CTNNA3: variants seen among roughly 807,000 people sequenced by gnomAD.
CTNNA3 encodes the protein catenin alpha-3.
A neutral mutation model predicts 95.7 loss-of-function variants in CTNNA3; 76 were observed. That is an observed-to-expected ratio of 0.79 (90% confidence interval 0.66 to 0.96). The LOEUF (loss-of-function observed/expected upper bound fraction) is 0.96, where lower values mean the gene tolerates loss of function less well. Ranked by LOEUF, CTNNA3 falls within the 40% of genes least tolerant of loss-of-function variation. The pLI is 0.00. For missense variants in CTNNA3, 1,191 were observed against 1,089.8 expected (o/e 1.09, Z -1.31); for synonymous variants, 431 against 374.4 (o/e 1.15, Z -1.74).
intron 7 of CTNNA3, among the ~76,000 whole-genome samples, chr10:67,014,073 A>T (rs1388188954): frequency 6.6e-6 from 1 of 152,192 alleles, no homozygotes; most frequent in African/African-American, 2.4e-5. Context: ...TTTTCCCCTT[A>T]AAGCAAAGAA....
At chr10:66,957,501 C>T (rs1272978537) in intron 7 of CTNNA3, among the ~76,000 whole-genome samples, 1 of 147,742 alleles carries the variant, frequency 6.8e-6, no homozygotes, top group Non-Finnish European at 1.5e-5. Context: ...ACAAAGTTTT[C>T]TTGTACTCTT....
chr10:66,138,887 A>G (rs906388305), intron 13 of CTNNA3, among the ~76,000 whole-genome samples: 18 of 152,320 alleles, frequency 1.2e-4, no homozygotes, highest in South Asian at 4.1e-4. Context: ...AAAATAAAAG[A>G]TGGATTGACA....
At chr10:66,854,163 T>G (rs1385639098) in intron 7 of CTNNA3, among the ~76,000 whole-genome samples, 1 of 152,032 alleles carries the variant, frequency 6.6e-6, no homozygotes, top group Non-Finnish European at 1.5e-5. Context: ...TTTAAAAAGT[T>G]GACACATTTA....
rs139422340 is a variant in CTNNA3 at position 66,768,305 on chromosome 10, C to G, written c.1129-1889G>C. 7.0e-3 allele frequency among the ~76,000 whole-genome samples: 1,070 copies of G among 152,124 alleles called. 7 individuals are homozygous for G. The highest frequency in any genetic ancestry group is 0.024 in the African/African-American group (1,016 of 41,476). ...GATGAAATCTACACTAGAGATATGC[C>G]ATGAAGGGCCAGCATATGGGAACTA... is the stretch of plus-strand genomic sequence containing the variant. On this transcript the variant is annotated intron_variant, in intron 8 of 17. Transcript: ENST00000433211.
At chr10:66,663,375 G>C (rs10740246) in intron 9 of CTNNA3, among the ~76,000 whole-genome samples, 99,290 of 151,096 alleles carry the variant, frequency 0.66, 33,377 homozygotes, top group East Asian at 0.95. Flanking sequence ...TGGGACCATC[G>C]TCCTCCAAAT....
intron 5 of CTNNA3, among the ~76,000 whole-genome samples, chr10:67,240,613 A>G (rs79151913): frequency 0.01 from 1,552 of 152,284 alleles, 16 homozygotes; most frequent in African/African-American, 0.024. Flanking sequence ...AGATTCAATA[A>G]AAGAGAAAAT....
intron 7 of CTNNA3, among the ~76,000 whole-genome samples, chr10:67,171,777 A>G (rs1305661950): frequency 6.6e-6 from 1 of 152,100 alleles, no homozygotes; most frequent in African/African-American, 2.4e-5. Context: ...AAAACAAAAT[A>G]AAAAGATAAA....
At chr10:66,774,234 A>G (rs1419623275) in intron 8 of CTNNA3, among the ~76,000 whole-genome samples, 1 of 152,168 alleles carries the variant, frequency 6.6e-6, no homozygotes, top group African/African-American at 2.4e-5. Context: ...TCCTAGGTGA[A>G]GCAGATGGGG....
chr10:66,810,855 C>T (rs1841847679), intron 7 of CTNNA3, among the ~76,000 whole-genome samples: 1 of 152,070 alleles, frequency 6.6e-6, no homozygotes, highest in South Asian at 2.1e-4. Flanking sequence ...GTCCTTCTTT[C>T]CAAGAAATCT....
chr10:67,364,292 C>T (rs113186954), intron 5 of CTNNA3, among the ~76,000 whole-genome samples: 6,226 of 152,212 alleles, frequency 0.041, 184 homozygotes, highest in South Asian at 0.1. Flanking sequence ...ATGTCAAAAA[C>T]TCTCAATAAA....
intron 5 of CTNNA3, among the ~76,000 whole-genome samples, chr10:67,519,914 C>A (rs991750854): frequency 1.3e-5 from 2 of 152,112 alleles, no homozygotes; most frequent in Non-Finnish European, 2.9e-5. Flanking sequence ...AAAGATAAAT[C>A]CCATCAAGCT....
intron 7 of CTNNA3, among the ~76,000 whole-genome samples, chr10:67,129,943 G>A (rs1859910245): frequency 1.3e-5 from 2 of 151,944 alleles, no homozygotes; most frequent in African/African-American, 4.8e-5. Context: ...ATCTTGACTA[G>A]AAGAGAGTTA....
At position 66,775,433 on chromosome 10, in the gene CTNNA3, T is replaced by A; in HGVS notation, c.1128+11A>T. 6.3e-7 allele frequency: 1 copy of A among 1,590,176 alleles called. No homozygotes were observed. The highest frequency in any genetic ancestry group is 8.6e-7 in the Non-Finnish European group (1 of 1,161,834). The stretch of plus-strand genomic sequence containing the variant: ...CTATGTTTCTGACTCCATATCTCTC[T>A]CTTCCCTCACCTGTCTGCGAAGGTC... On this transcript the variant is annotated intron_variant, in intron 8 of 17. Coordinates refer to ENST00000433211, the MANE Select transcript of CTNNA3 (RefSeq NM_013266.4).
chr10:67,127,612 A>T (rs746099230), intron 7 of CTNNA3, among the ~76,000 whole-genome samples: 5 of 152,138 alleles, frequency 3.3e-5, no homozygotes, highest in Non-Finnish European at 5.9e-5. Flanking sequence ...ACTCCCCAAC[A>T]TCTGAGTCAT....
intron 7 of CTNNA3, among the ~76,000 whole-genome samples, chr10:67,049,367 T>C (rs897678338): frequency 2.6e-5 from 4 of 152,142 alleles, no homozygotes; most frequent in Non-Finnish European, 5.9e-5. Flanking sequence ...CATTATCCAA[T>C]AAGCAGTTAT....
chr10:67,726,671 A>G (rs1255371847), intron 1 of CTNNA3, among the ~76,000 whole-genome samples: 4 of 78,038 alleles, frequency 5.1e-5, no homozygotes, highest in South Asian at 4.2e-4. Context: ...ATATTATATT[A>G]ATTATATAAT....
intron 10 of CTNNA3, among the ~76,000 whole-genome samples, chr10:66,574,314 G>A (rs1216093885): frequency 6.6e-6 from 1 of 151,996 alleles, no homozygotes; most frequent in African/African-American, 2.4e-5. Context: ...TTACTACCAT[G>A]TTTTGTTCAA....
intron 5 of CTNNA3, among the ~76,000 whole-genome samples, chr10:67,357,599 A>G (rs150320908): frequency 0.014 from 2,072 of 152,218 alleles, 51 homozygotes; most frequent in African/African-American, 0.047. Flanking sequence ...AAATATGTCA[A>G]TTCTTCTTAA....
chr10:66,355,779 C>A (rs2092604123), intron 12 of CTNNA3, among the ~76,000 whole-genome samples: 1 of 151,780 alleles, frequency 6.6e-6, no homozygotes, highest in African/African-American at 2.4e-5. Context: ...CTAACAATGC[C>A]AAACCAAAGT....
Sources: allele counts gnomAD v4.1 joint callset (sites outside exome capture counted in the v4.1 genomes callset), GRCh38; gene constraint gnomAD v4.1.1; transcripts MANE v1.5; gene names NCBI Gene and HGNC (gene_info 2026-07-23, HGNC 2026-07-21).